ADCY8: variants seen among roughly 807,000 people sequenced by gnomAD.
ADCY8 encodes adenylate cyclase 8, also known as adenylate cyclase type 8.
A neutral mutation model predicts 119.7 loss-of-function variants in ADCY8; 51 were observed. The ratio of observed to expected loss-of-function variants is 0.43; its 90% CI spans 0.34 to 0.54. ADCY8 has a LOEUF of 0.54. Ranked by LOEUF, ADCY8 falls within the 20% of genes least tolerant of loss-of-function variation. The pLI is 0.03. For missense variants in ADCY8, 1,383 were observed against 1,598.8 expected (o/e 0.87, Z 2.30); for synonymous variants, 665 against 651.0 (o/e 1.02, Z -0.33).
intron 6 of ADCY8, among the ~76,000 whole-genome samples, chr8:130,904,475 C>T (rs766475398): frequency 6.6e-6 from 1 of 152,140 alleles, no homozygotes; most frequent in Non-Finnish European, 1.5e-5. Flanking sequence ...GTTCTTTCTT[C>T]GTCTTGGAAC....
In ADCY8 at chr8:130,849,790, T is replaced by C. The variant is rs756783369; in HGVS notation, c.2224A>G (p.Thr742Ala). The C allele has an allele frequency of 1.9e-6, 3 of 1,612,486 alleles. No homozygotes were observed. The highest frequency in any genetic ancestry group is 2.5e-6 in the Non-Finnish European group (3 of 1,179,326). The change falls in exon 10 of 18, where the codon ACC becomes GCC. Residue 742 changes from threonine (T) to alanine (A), a missense_variant. By Grantham distance (58) the Thr-to-Ala change is moderately conservative. Transcript: ENST00000286355. ...ATAATCAGAATGGAGAACTGGATGG[T>C]CATTGGCATCACTCTGCAGGGAAAC... ...LLPSSRVMPM[T>A]IQFSILIMLH...
At chr8:130,823,238 T>C (rs1816573285) in intron 12 of ADCY8, among the ~76,000 whole-genome samples, 1 of 152,064 alleles carries the variant, frequency 6.6e-6, no homozygotes, top group Non-Finnish European at 1.5e-5. Context: ...GAAGAAAAAG[T>C]AAAAATTATG....
At chr8:130,933,063 G>A (rs759489164) in intron 5 of ADCY8, among the ~76,000 whole-genome samples, 1 of 152,128 alleles carries the variant, frequency 6.6e-6, no homozygotes, top group Non-Finnish European at 1.5e-5. Context: ...GGGGATTGAT[G>A]GTATCCTAAC....
intron 11 of ADCY8, among the ~76,000 whole-genome samples, chr8:130,840,981 GT>G (rs1420713906): frequency 6.6e-6 from 1 of 152,102 alleles, no homozygotes; most frequent in African/African-American, 2.4e-5. Flanking sequence ...GGAAAAAGAA[GT>G]CAAAGGCATT....
chr8:131,008,180 A>T (rs774617503), intron 1 of ADCY8, among the ~76,000 whole-genome samples: 1 of 152,192 alleles, frequency 6.6e-6, no homozygotes, highest in East Asian at 1.9e-4. Context: ...ATGCTGAAGC[A>T]AAGACAAGTT....
chr8:130,914,631 G>A (rs1181624668), intron 5 of ADCY8, among the ~76,000 whole-genome samples: 1 of 152,162 alleles, frequency 6.6e-6, no homozygotes, highest in Admixed American at 6.5e-5. Context: ...TGTATTTCAA[G>A]ATCAGTTCTT....
At chr8:130,943,537 A>G (rs1821024085) in intron 3 of ADCY8, 75 bp from the exon 4 acceptor site, 1 of 865,498 alleles carries the variant, frequency 1.2e-6, no homozygotes, top group Non-Finnish European at 1.9e-6. Context: ...GATACACATC[A>G]ACACCATCCC....
chr8:130,853,652 G>T (rs1403893824), intron 9 of ADCY8, among the ~76,000 whole-genome samples: 2 of 151,682 alleles, frequency 1.3e-5, no homozygotes, highest in African/African-American at 4.9e-5. Flanking sequence ...GTTCATCAGG[G>T]TATCTATAGG....
intron 1 of ADCY8, among the ~76,000 whole-genome samples, chr8:131,021,649 TAGTG>T (rs749677826): frequency 6.6e-5 from 10 of 152,316 alleles, no homozygotes; most frequent in African/African-American, 7.2e-5. Flanking sequence ...GTTCTCGTGA[TAGTG>T]AGTGAGTTCT....
chr8:130,932,498 A>G (rs1441500542), intron 5 of ADCY8, among the ~76,000 whole-genome samples: 1 of 152,014 alleles, frequency 6.6e-6, no homozygotes, highest in Non-Finnish European at 1.5e-5. Flanking sequence ...CTTTTCCCCA[A>G]ATGGATGGTA....
At chr8:131,031,355 A>T (rs1049875923) in intron 1 of ADCY8, among the ~76,000 whole-genome samples, 2 of 152,222 alleles carry the variant, frequency 1.3e-5, no homozygotes, top group Non-Finnish European at 2.9e-5. Flanking sequence ...ATTCCACAGG[A>T]GACACACAGA....
chr8:130,937,752 ATGTT>A (rs1182935920), intron 4 of ADCY8, among the ~76,000 whole-genome samples: 1 of 152,216 alleles, frequency 6.6e-6, no homozygotes, highest in Non-Finnish European at 1.5e-5. Context: ...ATTAATTTAT[ATGTT>A]TGTTCATTGA....
chr8:130,798,741 T>A (rs1279978822), intron 15 of ADCY8, among the ~76,000 whole-genome samples: 1 of 152,264 alleles, frequency 6.6e-6, no homozygotes, highest in African/African-American at 2.4e-5. Context: ...GCAGCATTGA[T>A]GGTGAGAAAA....
intron 1 of ADCY8, among the ~76,000 whole-genome samples, chr8:131,018,160 T>G (rs779844300): frequency 6.6e-6 from 1 of 152,202 alleles, no homozygotes; most frequent in Non-Finnish European, 1.5e-5. Context: ...TGACTCAATG[T>G]AGTTCTGATA....
chr8:131,002,666 A>G (rs2130765036), intron 1 of ADCY8, among the ~76,000 whole-genome samples: 1 of 133,980 alleles, frequency 7.5e-6, no homozygotes, highest in South Asian at 2.4e-4. Flanking sequence ...AAGAAAAGGT[A>G]AAAAAAAAAA....
intron 2 of ADCY8, among the ~76,000 whole-genome samples, chr8:130,974,569 TG>T (rs1822015549): frequency 6.6e-6 from 1 of 152,260 alleles, no homozygotes; most frequent in Non-Finnish European, 1.5e-5. Flanking sequence ...AGATTTCATT[TG>T]TTTTATATAT....
chr8:130,883,423 A>G (rs1177524414), intron 8 of ADCY8, among the ~76,000 whole-genome samples: 2 of 152,148 alleles, frequency 1.3e-5, no homozygotes, highest in East Asian at 3.9e-4. Context: ...TTTTGTTAGT[A>G]CATAGACACA....
At chr8:131,033,688 T>C (rs1824061496) in intron 1 of ADCY8, among the ~76,000 whole-genome samples, 1 of 152,038 alleles carries the variant, frequency 6.6e-6, no homozygotes, top group South Asian at 2.1e-4. Flanking sequence ...AGGCCAGAGC[T>C]GAAGGGATTT....
intron 1 of ADCY8, among the ~76,000 whole-genome samples, chr8:131,015,415 G>C (rs1823441271): frequency 6.6e-6 from 1 of 152,128 alleles, no homozygotes; most frequent in South Asian, 2.1e-4. Context: ...GCACTATGCA[G>C]GTATCCAAAG....
Sources: allele counts gnomAD v4.1 joint callset (sites outside exome capture counted in the v4.1 genomes callset), GRCh38; gene constraint gnomAD v4.1.1; transcripts MANE v1.5; gene names NCBI Gene and HGNC (gene_info 2026-07-23, HGNC 2026-07-21).